CATSPER3: variants seen among roughly 807,000 people sequenced by gnomAD.
CATSPER3 encodes the protein cation channel sperm-associated protein 3.
In CATSPER3, 23 loss-of-function variants were observed where a neutral mutation model predicts 36.6. The observed-to-expected ratio is 0.63, with a 90% confidence interval of 0.45 to 0.89. CATSPER3 has a LOEUF of 0.89. CATSPER3 is among the 40% of genes least tolerant of loss of function. The pLI, the probability that CATSPER3 is intolerant of heterozygous loss-of-function variation, is 0.00. For missense variants in CATSPER3, 474 were observed against 503.9 expected (o/e 0.94, Z 0.57); for synonymous variants, 172 against 184.1 (o/e 0.93, Z 0.53).
chr5:134,976,125 T>C (rs1046652443), intron 2 of CATSPER3, among the ~76,000 whole-genome samples: 3 of 152,188 alleles, frequency 2.0e-5, no homozygotes, highest in Non-Finnish European at 4.4e-5. Flanking sequence ...AAGAAATACC[T>C]GAGGCTGGGT....
At chr5:134,983,440 C>A (rs1286182646) in intron 2 of CATSPER3, among the ~76,000 whole-genome samples, 1 of 152,084 alleles carries the variant, frequency 6.6e-6, no homozygotes, top group African/African-American at 2.4e-5. Context: ...GAGGCTAAGG[C>A]ATGAGAATTG....
chr5:135,009,245 G>A, intron 5 of CATSPER3, 126 bp from the exon 6 acceptor site: 1 of 1,081,770 alleles, frequency 9.2e-7, no homozygotes, highest in Non-Finnish European at 1.4e-6. Context: ...GTGGCGGCTG[G>A]CCCTGTGTGG....
Position 134,968,545 on chromosome 5 carries a change from G to A in CATSPER3, c.98+456G>A, listed in dbSNP as rs561201731. The A allele has an allele frequency of 1.4e-5, 3 of 214,138 alleles. No homozygotes were observed. The South Asian group carries it at 2.2e-4, about 16-fold the overall frequency. The allele number at this position is 214,138 out of a possible 1,614,324, so 13.3% of individuals were successfully genotyped here. A position where few individuals can be genotyped will look rare whatever the true frequency, so the allele number is the denominator to read the frequency against. ...ATCTCTACTAAAAATACACAGATTA[G>A]CCCGGAGTGATGGTGTGCACCTGTT... On this transcript the variant is annotated intron_variant, in intron 1 of 7. Transcript: ENST00000282611.
intron 3 of CATSPER3, among the ~76,000 whole-genome samples, chr5:135,002,866 C>T (rs1040375810): frequency 4.6e-5 from 7 of 152,118 alleles, no homozygotes; most frequent in Admixed American, 2.6e-4. Flanking sequence ...AATCTTTTTT[C>T]AAGGTTTTTA....
intron 3 of CATSPER3, among the ~76,000 whole-genome samples, chr5:135,005,466 C>T (rs1487603653): frequency 6.6e-6 from 1 of 152,184 alleles, no homozygotes; most frequent in Admixed American, 6.5e-5. Flanking sequence ...TCATGGGACC[C>T]TAGATCCCCA....
chr5:134,970,915 T>G (rs972883398), intron 2 of CATSPER3, among the ~76,000 whole-genome samples: 3 of 152,092 alleles, frequency 2.0e-5, no homozygotes, highest in African/African-American at 7.2e-5. Context: ...TCTCAAAAAC[T>G]GAGCAAGCCT....
intron 2 of CATSPER3, among the ~76,000 whole-genome samples, chr5:134,977,205 C>A (rs532273277): frequency 6.6e-6 from 1 of 152,320 alleles, no homozygotes; most frequent in South Asian, 2.1e-4. Context: ...TGGCAAATGG[C>A]GAGTCTGCAA....
In CATSPER3 at chr5:134,968,042, A is replaced by G. The variant is rs1202559850; in HGVS notation, c.51A>G (p.Pro17=). 6.2e-7 allele frequency: 1 copy of G among 1,614,118 alleles called. No individual in the cohort carries two copies. The highest frequency in any genetic ancestry group is 8.5e-7 in the Non-Finnish European group (1 of 1,179,932). ...QRHSRVISSS[P]VDTTSVGFCP... ...ACTCGAGAGTCATTTCTAGTTCACC[A>G]GTTGACACTACATCGGTGGGATTTT... Residue 17 remains proline (P), a synonymous_variant, in exon 1 of 8, where the codon CCA becomes CCG. Coordinates refer to ENST00000282611, the MANE Select transcript of CATSPER3 (RefSeq NM_178019.3).
At chr5:134,969,871 G>A in intron 1 of CATSPER3, 68 bp from the exon 2 acceptor site, 8 of 1,514,990 alleles carry the variant, frequency 5.3e-6, no homozygotes, top group Admixed American at 1.7e-5. Context: ...CCTACAAAAA[G>A]GTATGCATTT....
chr5:134,972,375 A>C (rs1186963125), intron 2 of CATSPER3, among the ~76,000 whole-genome samples: 1 of 152,224 alleles, frequency 6.6e-6, no homozygotes, highest in African/African-American at 2.4e-5. Context: ...CCCACAAAAC[A>C]GGGAGAGACT....
chr5:134,995,360 A>G (rs1442527780), intron 2 of CATSPER3, among the ~76,000 whole-genome samples: 1 of 151,914 alleles, frequency 6.6e-6, no homozygotes, highest in Non-Finnish European at 1.5e-5. Context: ...GCTCCCACAT[A>G]TGAGTGAGAA....
At chr5:135,008,246 C>A in intron 4 of CATSPER3, 107 bp downstream of exon 4, 1 of 918,734 alleles carries the variant, frequency 1.1e-6, no homozygotes, top group Non-Finnish European at 1.8e-6. Flanking sequence ...TTCCTCATGT[C>A]CAGGTACTCA....
In CATSPER3 at chr5:135,010,491, A is replaced by G; in HGVS notation, c.1055A>G (p.Tyr352Cys). ...FGTSLPFIDI[Y>C]FSTLDYQDTT... Reference sequence around the variant, plus strand: ...ACTAGCTTACCCTTCATCGATATCTACTTTTCCACTCTGGACTACCAGGAC... The same window carrying G: ...ACTAGCTTACCCTTCATCGATATCTGCTTTTCCACTCTGGACTACCAGGAC... Residue 352 changes from tyrosine to cysteine, a missense_variant, in exon 7 of 8, where the codon TAC becomes TGC. Tyr to Cys is a radical substitution (Grantham distance 194). Coordinates refer to ENST00000282611, the MANE Select transcript of CATSPER3 (RefSeq NM_178019.3). The G allele has an allele frequency of 1.2e-6, 2 of 1,614,002 alleles. No homozygotes were observed. The highest frequency in any genetic ancestry group is 1.7e-6 in the Non-Finnish European group (2 of 1,179,978).
At chr5:134,970,199 A>C in intron 2 of CATSPER3, 107 bp downstream of exon 2, 1 of 1,106,540 alleles carries the variant, frequency 9.0e-7, no homozygotes, top group Non-Finnish European at 1.4e-6. Flanking sequence ...TCACTCTGTC[A>C]GGCTGGAGTG....
chr5:135,001,363 G>A (rs550687960), intron 3 of CATSPER3, among the ~76,000 whole-genome samples: 95 of 152,216 alleles, frequency 6.2e-4, no homozygotes, highest in African/African-American at 2.2e-3. Flanking sequence ...ACTTCCAACT[G>A]TGTGGTCAAT....
chr5:134,977,494 A>T (rs1320051129), intron 2 of CATSPER3, among the ~76,000 whole-genome samples: 3 of 149,578 alleles, frequency 2.0e-5, no homozygotes, highest in Non-Finnish European at 2.9e-5. Flanking sequence ...CCACATTTCC[A>T]TCTGAGACCT....
At position 134,983,559 on chromosome 5, in the gene CATSPER3, A is replaced by T. The variant is rs372374434; in HGVS notation, c.253-12714A>T. On this transcript the variant is annotated intron_variant, in intron 2 of 7. Transcript: ENST00000282611. ...AAACAAATGAAGAAACAAACCAAAG[A>T]TACAAATAGGTTGAAAGTGAAAGGA... Among the ~76,000 whole-genome samples the T allele has an allele frequency of 3.9e-5, 6 of 152,296 alleles. No homozygotes were observed. The East Asian group carries it at 9.6e-4, about 24-fold the overall frequency.
chr5:134,990,166 A>G (rs567239009), intron 2 of CATSPER3, among the ~76,000 whole-genome samples: 1 of 152,240 alleles, frequency 6.6e-6, no homozygotes, highest in East Asian at 1.9e-4. Context: ...TAGAAAGTTT[A>G]TTTTGCCAGG....
chr5:135,009,639 T>C (rs1403507935), intron 6 of CATSPER3, 149 bp downstream of exon 6: 1 of 23,752 alleles, frequency 4.2e-5, no homozygotes. Flanking sequence ...CTTCCTCCAA[T>C]GTTTTATAGA....
Sources: gnomAD v4.1 joint callset for allele counts (sites outside exome capture counted in the v4.1 genomes callset) on GRCh38, gnomAD v4.1.1 for gene constraint, MANE v1.5 for transcripts, NCBI Gene and HGNC (gene_info 2026-07-23, HGNC 2026-07-21) for gene names.